Variants in DCC observed in about 807,000 individuals in gnomAD.
The protein encoded by DCC is DCC netrin 1 receptor, also known as netrin receptor DCC.
DCC carries 58 observed loss-of-function variants against 172.5 expected under a neutral mutation model. The observed-to-expected ratio is 0.34, with a 90% CI of 0.27 to 0.42. The LOEUF is 0.42. Ranked by LOEUF, DCC falls within the 10% of genes least tolerant of loss-of-function variation. The probability of loss-of-function intolerance (pLI) is 1.00; values close to 1 mark genes in which losing one functional copy is unlikely to be tolerated. For missense variants in DCC, 1,740 were observed against 1,791.0 expected, an observed-to-expected ratio of 0.97 and a Z score of 0.51; for synonymous variants, 709 against 644.5, an observed-to-expected ratio of 1.10 and a Z score of -1.52.
chr18:52,897,283 C>T (rs1451238521), intron 2 of DCC, among the ~76,000 whole-genome samples: 1 of 152,218 alleles, frequency 6.6e-6, no homozygotes, highest in Non-Finnish European at 1.5e-5. Context: ...TACTCCTTGC[C>T]TATTTTTGGC....
chr18:52,850,682 A>C (rs548988031), intron 2 of DCC, among the ~76,000 whole-genome samples: 1 of 152,206 alleles, frequency 6.6e-6, no homozygotes, highest in South Asian at 2.1e-4. Flanking sequence ...GGAATTACAC[A>C]TTCACCCCCC....
chr18:53,451,725 C>T (rs1353283893), intron 23 of DCC, among the ~76,000 whole-genome samples: 1 of 151,966 alleles, frequency 6.6e-6, no homozygotes, highest in Non-Finnish European at 1.5e-5. Flanking sequence ...CTCTCTCTCT[C>T]TCTCTCTCCA....
At chr18:53,137,805 A>T (rs1164429136) in intron 7 of DCC, among the ~76,000 whole-genome samples, 4 of 152,032 alleles carry the variant, frequency 2.6e-5, no homozygotes, top group African/African-American at 4.8e-5. Context: ...ATTTTAAATA[A>T]GCAAGAATAA....
chr18:53,087,923 C>T (rs1030094395), intron 7 of DCC, among the ~76,000 whole-genome samples: 3 of 151,860 alleles, frequency 2.0e-5, no homozygotes, highest in Non-Finnish European at 2.9e-5. Flanking sequence ...AGATATGCGA[C>T]GTTATTTCTG....
chr18:53,086,004 C>CTTATTATTATTATTAT (rs1189833400), intron 7 of DCC, among the ~76,000 whole-genome samples: 3 of 25,106 alleles, frequency 1.2e-4, no homozygotes, highest in Non-Finnish European at 2.1e-4. Flanking sequence ...TCTCCTTCTT[C>CTTATTATTATTATTAT]TCCTTCTCCT....
chr18:52,387,755 G>A (rs574153379), intron 1 of DCC, among the ~76,000 whole-genome samples: 1 of 152,086 alleles, frequency 6.6e-6, no homozygotes, highest in South Asian at 2.1e-4. Context: ...CTATTGCAAT[G>A]CTCTCTACTC....
At chr18:52,750,607 G>C (rs1436785663) in intron 1 of DCC, among the ~76,000 whole-genome samples, 1 of 152,260 alleles carries the variant, frequency 6.6e-6, no homozygotes, top group South Asian at 2.1e-4. Context: ...GACTTCAAAC[G>C]TAAGTTTTAG....
chr18:53,177,548 T>C (rs1437099920), intron 8 of DCC, among the ~76,000 whole-genome samples: 2 of 152,180 alleles, frequency 1.3e-5, no homozygotes, highest in Non-Finnish European at 2.9e-5. Flanking sequence ...TTGTCAGTTC[T>C]TTTCCCAGCT....
intron 1 of DCC, among the ~76,000 whole-genome samples, chr18:52,662,850 C>A (rs532689534): frequency 2.0e-5 from 3 of 152,270 alleles, no homozygotes; most frequent in African/African-American, 7.2e-5. Flanking sequence ...TCATAGACAG[C>A]ACCTTCTTGT....
chr18:53,159,248 T>A (rs1474580262), intron 8 of DCC, among the ~76,000 whole-genome samples: 6 of 152,070 alleles, frequency 3.9e-5, no homozygotes, highest in Non-Finnish European at 8.8e-5. Flanking sequence ...CAAAACATAC[T>A]CACTTTCTCC....
At chr18:53,004,929 T>A (rs951922447) in intron 5 of DCC, among the ~76,000 whole-genome samples, 4 of 152,158 alleles carry the variant, frequency 2.6e-5, no homozygotes, top group African/African-American at 9.7e-5. Flanking sequence ...AGGTGGGGCC[T>A]AGTAAGAAGT....
intron 1 of DCC, among the ~76,000 whole-genome samples, chr18:52,656,912 A>T (rs2035265418): frequency 6.6e-6 from 1 of 152,116 alleles, no homozygotes. Context: ...ATGGGTCAGA[A>T]ATGTCGCCTT....
chr18:53,517,192 G>T (rs369904880), intron 27 of DCC, among the ~76,000 whole-genome samples: 1 of 142,446 alleles, frequency 7.0e-6, no homozygotes, highest in South Asian at 2.3e-4. Context: ...GTAAACTATC[G>T]CAAGAACAAA....
intron 1 of DCC, among the ~76,000 whole-genome samples, chr18:52,612,064 G>A (rs768222572): frequency 2.0e-5 from 3 of 152,142 alleles, no homozygotes; most frequent in Admixed American, 1.3e-4. Flanking sequence ...TCTGTGGGTT[G>A]ATGACTCTCC....
At chr18:53,179,613 T>C (rs1443363061) in intron 9 of DCC, among the ~76,000 whole-genome samples, 1 of 152,186 alleles carries the variant, frequency 6.6e-6, no homozygotes, top group African/African-American at 2.4e-5. Context: ...ATAACCTCTA[T>C]TGGATAATCT....
intron 2 of DCC, chr18:52,892,385 C>G (rs2039664115): frequency 1.3e-5 from 2 of 152,082 alleles, no homozygotes; most frequent in Admixed American, 6.6e-5. Context: ...CCAGGTGTGT[C>G]CTTTCCCCAT....
chr18:52,784,932 G>A (rs982096007), intron 2 of DCC, among the ~76,000 whole-genome samples: 4 of 136,844 alleles, frequency 2.9e-5, no homozygotes, highest in Non-Finnish European at 6.1e-5. Context: ...GAAGAGAAGG[G>A]GGGAGAGAGA....
chr18:52,534,588 C>T (rs1315308042), intron 1 of DCC, among the ~76,000 whole-genome samples: 1 of 152,116 alleles, frequency 6.6e-6, no homozygotes, highest in Non-Finnish European at 1.5e-5. Context: ...ATTAGGCCCG[C>T]AGTAGGTGCT....
In DCC at chr18:53,309,162, G is replaced by A. The variant is rs570994556; in HGVS notation, c.2053+3443G>A. On this transcript the variant is annotated intron_variant, in intron 13 of 28. Coordinates refer to ENST00000442544, the MANE Select transcript of DCC (RefSeq NM_005215.4). ...AAGTGATCCTCCTGCCTCGGCCTAC[G>A]GAGCAGCTGGGACTATAGGTGTGTT... Among the ~76,000 whole-genome samples, 13 of 151,982 alleles carry A rather than the reference G, an allele frequency of 8.6e-5. No individual in the cohort carries two copies. The South Asian group carries it at 2.1e-3, about 24-fold the overall frequency.
Sources: gnomAD v4.1 joint callset for allele counts (sites outside exome capture counted in the v4.1 genomes callset) on GRCh38, gnomAD v4.1.1 for gene constraint, MANE v1.5 for transcripts, NCBI Gene and HGNC (gene_info 2026-07-23, HGNC 2026-07-21) for gene names.